The following ITGA4 variants were observed in gnomAD, a reference collection of about 807,000 sequenced individuals.
ITGA4 encodes the protein integrin subunit alpha 4.
Under a neutral mutation model 133.6 loss-of-function variants are expected in ITGA4, and 63 were observed. The ratio of observed to expected loss-of-function variants is 0.47; its 90% CI spans 0.38 to 0.58. ITGA4 has a LOEUF of 0.58. Ranked by LOEUF, ITGA4 falls within the 20% of genes least tolerant of loss-of-function variation. The pLI is 0.00. For missense variants in ITGA4, 1,076 were observed against 1,252.7 expected (o/e 0.86, Z 2.13); for synonymous variants, 483 against 438.0 (o/e 1.10, Z -1.28).
chr2:181,520,319 G>A (rs1415883485), intron 17 of ITGA4, among the ~76,000 whole-genome samples: 2 of 152,084 alleles, frequency 1.3e-5, no homozygotes, highest in African/African-American at 4.8e-5. Context: ...AAACATCCTG[G>A]TGTATTAGAT....
At chr2:181,508,968 C>T (rs72900325) in intron 15 of ITGA4, among the ~76,000 whole-genome samples, 17,109 of 150,658 alleles carry the variant, frequency 0.11, 1,250 homozygotes, top group East Asian at 0.22. Context: ...CATTGAAAGA[C>T]CCTGTCTCTA....
chr2:181,488,218 G>C (rs1052750736), intron 10 of ITGA4, among the ~76,000 whole-genome samples: 4 of 152,164 alleles, frequency 2.6e-5, no homozygotes, highest in Non-Finnish European at 5.9e-5. Context: ...TAATTTTCCA[G>C]TGGTGTGAAG....
chr2:181,532,687 C>T (rs112509286), intron 25 of ITGA4, among the ~76,000 whole-genome samples: 13 of 152,262 alleles, frequency 8.5e-5, no homozygotes, highest in African/African-American at 3.1e-4. Context: ...ATCATGTCAC[C>T]TGCAAACAAT....
intron 2 of ITGA4, among the ~76,000 whole-genome samples, chr2:181,474,432 G>A (rs947088712): frequency 1.3e-5 from 2 of 152,118 alleles, no homozygotes; most frequent in East Asian, 3.8e-4. Flanking sequence ...TCTTATAAAC[G>A]CAAGGCATTA....
rs1685895902 is a variant in ITGA4, at chr2:181,485,547, C to T, written c.1042-334C>T. On this transcript the variant is annotated intron_variant, in intron 9 of 27. Coordinates refer to ENST00000397033, the MANE Select transcript of ITGA4 (RefSeq NM_000885.6). ...CACACACTGCCTTGCCCCTTTTCAC[C>T]TTTTCGCTCTTTGCACAGTGTGTTG... Among the ~76,000 whole-genome samples, 3 of 152,134 alleles carry T rather than the reference C, an allele frequency of 2.0e-5. No individual in the cohort carries two copies. In the South Asian group the frequency reaches 6.2e-4, roughly 31 times the overall value.
chr2:181,506,746 T>C (rs1263753819), intron 15 of ITGA4, among the ~76,000 whole-genome samples: 1 of 152,122 alleles, frequency 6.6e-6, no homozygotes, highest in Non-Finnish European at 1.5e-5. Flanking sequence ...ATTCCCTATT[T>C]CTTAAGGATT....
Position 181,538,113 on chromosome 2 carries a change from G to C in ITGA4, c.*2586G>C, listed in dbSNP as rs1488896278. On this transcript the variant is annotated 3_prime_UTR_variant, in exon 28 of 28. Coordinates refer to ENST00000397033, the MANE Select transcript of ITGA4 (RefSeq NM_000885.6). ...GTCCCAAAAAGGGTGGGGACCACAG[G>C]TTTAAAGCATGGCCACATTTCTTTA... 9.2e-7 allele frequency: 1 copy of C among 1,084,842 alleles called. No individual in the cohort carries two copies. The highest frequency in any genetic ancestry group is 1.8e-5 in the Admixed American group (1 of 57,126). The allele number at this position is 1,084,842 out of a possible 1,614,324, so 67.2% of individuals were successfully genotyped here. A position where few individuals can be genotyped will look rare whatever the true frequency, so the allele number is the denominator to read the frequency against.
chr2:181,461,652 A>G (rs144262619), intron 2 of ITGA4, among the ~76,000 whole-genome samples: 6 of 152,298 alleles, frequency 3.9e-5, no homozygotes, highest in South Asian at 4.1e-4. Flanking sequence ...AAACATAGAA[A>G]TGATTATCAA....
chr2:181,475,342 T>C, intron 4 of ITGA4, 54 bp downstream of exon 4: 5 of 1,389,752 alleles, frequency 3.6e-6, no homozygotes, highest in Non-Finnish European at 3.0e-6. Context: ...GAATACCTTT[T>C]AGTGTTTTAA....
chr2:181,498,097 C>T (rs900277738), intron 14 of ITGA4, among the ~76,000 whole-genome samples: 6 of 151,634 alleles, frequency 4.0e-5, no homozygotes, highest in Middle Eastern at 3.4e-3. Context: ...TTAAGAAAAC[C>T]GTATATATAG....
chr2:181,485,403 A>ATTT (rs5836791), intron 9 of ITGA4, among the ~76,000 whole-genome samples: 40 of 148,736 alleles, frequency 2.7e-4, no homozygotes, highest in African/African-American at 8.9e-4. Flanking sequence ...TTATAATTAG[A>ATTT]TTTTTTTTTT....
chr2:181,473,396 C>T (rs1343923848), intron 2 of ITGA4, among the ~76,000 whole-genome samples: 2 of 152,184 alleles, frequency 1.3e-5, no homozygotes, highest in Admixed American at 1.3e-4. Context: ...CCAAACCTTA[C>T]TACTGCCCAT....
chr2:181,491,656 T>C (rs1686050523), intron 10 of ITGA4, among the ~76,000 whole-genome samples: 1 of 136,870 alleles, frequency 7.3e-6, no homozygotes, highest in Non-Finnish European at 1.6e-5. Context: ...GTAACCACAG[T>C]GGTGGAAGTA....
rs992096864 is a variant in ITGA4, at chr2:181,482,708, T to C, written c.1041+57T>C. 8.5e-6 allele frequency: 13 copies of C among 1,529,598 alleles called. No homozygotes were observed. The East Asian group carries it at 1.6e-4, about 19-fold the overall frequency. 94.8% of individuals were successfully genotyped at this position (1,529,598 alleles called of 1,614,324 possible). ...TATGGAATTATGATCAAAACTCAAA[T>C]TGGTCTTATTCCAGAGATCTGAGAT... On this transcript the variant is annotated intron_variant, in intron 9 of 27. Coordinates refer to ENST00000397033, the MANE Select transcript of ITGA4 (RefSeq NM_000885.6).
At chr2:181,460,891 A>G (rs1483836539) in intron 2 of ITGA4, among the ~76,000 whole-genome samples, 2 of 152,136 alleles carry the variant, frequency 1.3e-5, no homozygotes, top group South Asian at 2.1e-4. Flanking sequence ...GAAGAAAAAA[A>G]TGTTATAATG....
chr2:181,485,019 T>C (rs1201320245), intron 9 of ITGA4, among the ~76,000 whole-genome samples: 1 of 152,222 alleles, frequency 6.6e-6, no homozygotes, highest in Non-Finnish European at 1.5e-5. Context: ...TAGCTGTTAT[T>C]GCAACAGCCC....
intron 4 of ITGA4, among the ~76,000 whole-genome samples, chr2:181,475,522 TTAAC>T (rs911020506): frequency 3.9e-5 from 6 of 152,222 alleles, no homozygotes; most frequent in African/African-American, 1.4e-4. Flanking sequence ...ATCTAGCTCT[TTAAC>T]TACCCACTTT....
At chr2:181,520,739 CT>C (rs1318252889) in intron 17 of ITGA4, among the ~76,000 whole-genome samples, 2 of 152,054 alleles carry the variant, frequency 1.3e-5, no homozygotes, top group African/African-American at 4.8e-5. Flanking sequence ...GTTTGTGTAT[CT>C]TTTTTACATT....
In ITGA4 at chr2:181,458,317, G is replaced by T. The variant is rs765885636; in HGVS notation, c.319G>T (p.Gly107Cys). 1.9e-6 allele frequency: 3 copies of T among 1,610,380 alleles called. No individual in the cohort carries two copies. The South Asian group carries it at 3.3e-5, about 18-fold the overall frequency. ...PGQTCEQLQL[G>C]SPNGEPCGKT... is the part of the protein sequence containing the mutation. The stretch of plus-strand genomic sequence containing the variant: ...CCAGACGTGCGAACAGCTCCAGCTG[G>T]GTGAGTTGGGTATGGGACCAGGAGT... Residue 107 changes from glycine to cysteine, a missense_variant and splice_region_variant, in exon 2 of 28, where the codon GGT becomes TGT. Transcript: ENST00000397033.
Sources: allele counts gnomAD v4.1 joint callset (sites outside exome capture counted in the v4.1 genomes callset), GRCh38; gene constraint gnomAD v4.1.1; transcripts MANE v1.5; gene names NCBI Gene and HGNC (gene_info 2026-07-23, HGNC 2026-07-21).